Variants in RHOF observed in about 807,000 individuals in gnomAD.
RHOF encodes rho-related GTP-binding protein RhoF.
A neutral mutation model predicts 22.2 loss-of-function variants in RHOF; 21 were observed. That is an observed-to-expected ratio of 0.95 (90% CI 0.67 to 1.36). The LOEUF (loss-of-function observed/expected upper bound fraction) is 1.36, where lower values mean the gene tolerates loss of function less well. Ranked by LOEUF, RHOF falls within the 40% of genes most tolerant of loss-of-function variation. The pLI, the probability that RHOF is intolerant of heterozygous loss-of-function variation, is 0.00. For missense variants in RHOF, 285 were observed against 293.7 expected (o/e 0.97, Z 0.22); for synonymous variants, 135 against 131.2 (o/e 1.03, Z -0.20).
chr12:121,784,214 C>A (rs566360903), intron 2 of RHOF, among the ~76,000 whole-genome samples: 10 of 150,578 alleles, frequency 6.6e-5, no homozygotes, highest in Admixed American at 1.3e-4. Context: ...ACATCCTATA[C>A]TCTATGCAGT....
chr12:121,779,922 A>G, intron 4 of RHOF: 1 of 451,172 alleles, frequency 2.2e-6, no homozygotes, highest in Non-Finnish European at 4.0e-6. Flanking sequence ...GAGGGGCTGA[A>G]TCCTGAGACC....
Position 121,779,597 on chromosome 12 carries a change from C to A in RHOF, c.537G>T (p.Glu179Asp). Residue 179 changes from glutamate (E) to aspartate (D), a missense_variant, in exon 5 of 5, where the codon GAG (glutamate) becomes GAT (aspartate). Physicochemically the swap from Glu to Asp is conservative, Grantham distance 45. Transcript: ENST00000267205. ...LYLECSAKFR[E>D]NVEDVFREAA... ...CCTCCCGGAAGACGTCCTCCACATT[C>A]TCCCGAAACTTGGCGGAACATTCCA... 6.2e-7 allele frequency: 1 copy of A among 1,614,242 alleles called. No homozygotes were observed. Among genetic ancestry groups the A allele is most frequent in the Non-Finnish European group, 8.5e-7 (1 of 1,180,036 alleles).
At chr12:121,785,305 A>G (rs1874577653) in intron 2 of RHOF, among the ~76,000 whole-genome samples, 1 of 152,040 alleles carries the variant, frequency 6.6e-6, no homozygotes, top group Non-Finnish European at 1.5e-5. Flanking sequence ...TATTTCTCGA[A>G]TTTTCCAGGT....
intron 2 of RHOF, among the ~76,000 whole-genome samples, chr12:121,791,663 C>G (rs1874768032): frequency 6.6e-6 from 1 of 152,226 alleles, no homozygotes; most frequent in Non-Finnish European, 1.5e-5. Flanking sequence ...TGACATGTTC[C>G]TTGAGCATCT....
In RHOF at chr12:121,781,175, G is replaced by T. The variant is rs375240756; in HGVS notation, c.244C>A (p.Arg82=). The T allele has an allele frequency of 8.1e-6, 13 of 1,614,074 alleles. No individual in the cohort carries two copies. The highest frequency in any genetic ancestry group is 1.0e-5 in the Non-Finnish European group (12 of 1,180,028). The change falls in exon 3 of 5, where the codon CGG becomes AGG. Residue 82 remains arginine, a synonymous_variant. Coordinates refer to ENST00000267205, the MANE Select transcript of RHOF (RefSeq NM_019034.3). ...YDTAGQEDYD[R]LRPLSYQNTH... is the part of the protein sequence containing the mutation. ...TTCTGGTAGGACAGGGGCCGCAGCCGGTCATAGTCTTCTTGCCCTGAAAGC... is the reference window on the plus strand; with the variant it reads ...TTCTGGTAGGACAGGGGCCGCAGCCTGTCATAGTCTTCTTGCCCTGAAAGC...
intron 1 of RHOF, 62 bp downstream of exon 1, chr12:121,793,434 G>T: frequency 1.3e-6 from 2 of 1,527,502 alleles, no homozygotes; most frequent in Middle Eastern, 2.1e-4. Flanking sequence ...TGAGGGTCGG[G>T]GCTCTGGGCT....
rs571984334 is a variant in RHOF, at chr12:121,784,577, A to G, written c.227-3385T>C. Among the ~76,000 whole-genome samples, 7 of 151,992 alleles carry G rather than the reference A, an allele frequency of 4.6e-5. No homozygotes were observed. In the East Asian group the frequency reaches 5.8e-4, roughly 13 times the overall value. On this transcript the variant is annotated intron_variant, in intron 2 of 4. Transcript: ENST00000267205. The stretch of plus-strand genomic sequence containing the variant: ...AAAAAAAAGAAAAAAAAATCCTTAC[A>G]TGACAGCCAGATATGGTAGGGAAAT...
At chr12:121,786,460 G>C (rs993502555) in intron 2 of RHOF, among the ~76,000 whole-genome samples, 3 of 152,210 alleles carry the variant, frequency 2.0e-5, no homozygotes, top group Non-Finnish European at 1.5e-5. Context: ...AGGTGGCGGG[G>C]CAGGCATCAG....
At chr12:121,788,966 C>T (rs73229932) in intron 2 of RHOF, among the ~76,000 whole-genome samples, 2,723 of 152,262 alleles carry the variant, frequency 0.018, 29 homozygotes, top group Non-Finnish European at 0.029. Context: ...CCATTACCCT[C>T]CACATTCTAC....
intron 1 of RHOF, 30 bp from the exon 2 acceptor site, chr12:121,793,269 A>C (rs1470937910): frequency 2.6e-6 from 4 of 1,541,130 alleles, no homozygotes; most frequent in Non-Finnish European, 3.5e-6. Context: ...GTTGGTCCTT[A>C]GTGGGGCCGG....
chr12:121,783,030 A>T (rs1426554536), intron 2 of RHOF: 2 of 152,286 alleles, frequency 1.3e-5, no homozygotes, highest in African/African-American at 2.4e-5. Flanking sequence ...GCCTCATTTC[A>T]GGTGATGAAC....
chr12:121,787,610 T>C (rs1592958243), intron 2 of RHOF, among the ~76,000 whole-genome samples: 1 of 151,940 alleles, frequency 6.6e-6, no homozygotes, highest in Non-Finnish European at 1.5e-5. Flanking sequence ...CATATAAAAG[T>C]CATGGTCTAG....
At chr12:121,789,962 C>T (rs770533413) in intron 2 of RHOF, among the ~76,000 whole-genome samples, 2 of 152,252 alleles carry the variant, frequency 1.3e-5, no homozygotes, top group South Asian at 2.1e-4. Context: ...CACCCCGCCT[C>T]CCCCGGCCCA....
chr12:121,787,586 G>A (rs1187536868), intron 2 of RHOF, among the ~76,000 whole-genome samples: 1 of 152,192 alleles, frequency 6.6e-6, no homozygotes, highest in Non-Finnish European at 1.5e-5. Flanking sequence ...GGTTAATATC[G>A]ACTCTCTTTC....
chr12:121,787,659 T>C (rs921078388), intron 2 of RHOF, among the ~76,000 whole-genome samples: 5 of 152,180 alleles, frequency 3.3e-5, no homozygotes, highest in Admixed American at 1.3e-4. Flanking sequence ...CCCAGCACTT[T>C]GGGAGGCTGA....
At chr12:121,785,634 G>A (rs922041389) in intron 2 of RHOF, among the ~76,000 whole-genome samples, 14 of 147,324 alleles carry the variant, frequency 9.5e-5, no homozygotes, top group African/African-American at 2.3e-4. Flanking sequence ...TTTTTGAGAC[G>A]GAGTCTCACT....
intron 2 of RHOF, among the ~76,000 whole-genome samples, chr12:121,789,129 C>G (rs1020726236): frequency 6.6e-6 from 1 of 152,080 alleles, no homozygotes; most frequent in African/African-American, 2.4e-5. Context: ...CTTTGGGAGG[C>G]TGACATGGGA....
chr12:121,777,959 G>A lies in RHOF; in HGVS notation c.*1539C>T, dbSNP rs943225213. 14 of 152,170 alleles carry A rather than the reference G, an allele frequency of 9.2e-5. No homozygotes were observed. The highest frequency in any genetic ancestry group is 3.1e-4 in the African/African-American group (13 of 41,422). The allele number at this position is 152,170 out of a possible 1,614,324, so 9.4% of individuals were successfully genotyped here. Reference sequence around the variant, plus strand: ...AGGGTCTCAGAAGGCTCCTTCCTTTGGCAACCTGACTTCTTGGAAGCTCAG... The same window carrying A: ...AGGGTCTCAGAAGGCTCCTTCCTTTAGCAACCTGACTTCTTGGAAGCTCAG... On this transcript the variant is annotated 3_prime_UTR_variant, in exon 5 of 5. Transcript: ENST00000267205.
At chr12:121,787,627 C>T (rs994332977) in intron 2 of RHOF, among the ~76,000 whole-genome samples, 4 of 148,060 alleles carry the variant, frequency 2.7e-5, no homozygotes, top group African/African-American at 7.7e-5. Context: ...CTAGACCGGG[C>T]GCTGTGGCGC....
Sources: allele counts gnomAD v4.1 joint callset (sites outside exome capture counted in the v4.1 genomes callset), GRCh38; gene constraint gnomAD v4.1.1; transcripts MANE v1.5; gene names NCBI Gene and HGNC (gene_info 2026-07-23, HGNC 2026-07-21).